Variants in CD96 observed in about 807,000 individuals in gnomAD.
CD96 encodes CD96 molecule.
A neutral mutation model predicts 71.3 loss-of-function variants in CD96; 70 were observed. The ratio of observed to expected loss-of-function variants is 0.98; its 90% CI spans 0.81 to 1.20. The LOEUF is 1.20. Among genes scored for constraint, CD96 ranks in the 50% most tolerant of loss-of-function variants. CD96 has a pLI of 0.00. For synonymous variants in CD96, 248 were observed against 233.0 expected (o/e 1.06, Z -0.59); for missense variants, 742 against 677.5 (o/e 1.10, Z -1.06).
chr3:111,598,685 AG>A (rs1023610271), intron 6 of CD96, among the ~76,000 whole-genome samples: 1 of 152,208 alleles, frequency 6.6e-6, no homozygotes, highest in African/African-American at 2.4e-5. Context: ...GGAGCACTAG[AG>A]AAAGCCTATG....
intron 5 of CD96, among the ~76,000 whole-genome samples, chr3:111,590,821 A>G (rs1390870561): frequency 1.3e-5 from 2 of 152,244 alleles, no homozygotes; most frequent in Non-Finnish European, 2.9e-5. Flanking sequence ...AGGGATGCAT[A>G]AAAGCTCCAG....
At chr3:111,649,468 T>C (rs1202332536) in intron 13 of CD96, among the ~76,000 whole-genome samples, 1 of 152,210 alleles carries the variant, frequency 6.6e-6, no homozygotes, top group Non-Finnish European at 1.5e-5. Flanking sequence ...AAGTAAATAA[T>C]GTTATGATAA....
chr3:111,643,070 T>TAAAAAAAAA (rs201908883), intron 12 of CD96, among the ~76,000 whole-genome samples: 1 of 94,354 alleles, frequency 1.1e-5, no homozygotes. Context: ...CCAAAATCCT[T>TAAAAAAAAA]AAAAAAAAAA....
intron 2 of CD96, among the ~76,000 whole-genome samples, chr3:111,562,225 G>T (rs1002108316): frequency 6.6e-6 from 1 of 152,138 alleles, no homozygotes; most frequent in Non-Finnish European, 1.5e-5. Flanking sequence ...GGCCATCTTG[G>T]CTCCTCCCCG....
At chr3:111,657,784 A>ATG (rs1940268979) in intron 14 of CD96, among the ~76,000 whole-genome samples, 1 of 151,582 alleles carries the variant, frequency 6.6e-6, no homozygotes, top group South Asian at 2.1e-4. Context: ...ATGTGTGTGT[A>ATG]TATGTGTGTG....
chr3:111,543,698 GCAGCTGTGAGCTTAT>G (rs1934230409), intron 1 of CD96, among the ~76,000 whole-genome samples: 1 of 152,142 alleles, frequency 6.6e-6, no homozygotes, highest in Non-Finnish European at 1.5e-5. Flanking sequence ...CTAACAAGTT[GCAGCTGTGAGCTTAT>G]CTCAACCTTC....
intron 3 of CD96, among the ~76,000 whole-genome samples, chr3:111,572,567 A>G (rs1936034124): frequency 6.6e-6 from 1 of 152,246 alleles, no homozygotes; most frequent in Admixed American, 6.5e-5. Flanking sequence ...ACAAACATAT[A>G]TAATCTCTTT....
chr3:111,547,187 T>A (rs2107466690), intron 2 of CD96, among the ~76,000 whole-genome samples: 1 of 152,282 alleles, frequency 6.6e-6, no homozygotes, highest in South Asian at 2.1e-4. Context: ...AATGAGATAA[T>A]CTGTGTAATG....
intron 5 of CD96, chr3:111,593,176 T>A: frequency 1.2e-5 from 2 of 172,662 alleles, no homozygotes; most frequent in Admixed American, 5.7e-5. Context: ...CTAACCAGCC[T>A]CAGCCCTCAA....
intron 3 of CD96, among the ~76,000 whole-genome samples, chr3:111,572,369 T>C (rs1024467467): frequency 7.2e-5 from 11 of 152,260 alleles, no homozygotes; most frequent in Non-Finnish European, 1.3e-4. Flanking sequence ...CAAATTCTTT[T>C]GTGTGGTAAA....
intron 4 of CD96, among the ~76,000 whole-genome samples, chr3:111,581,268 G>T (rs1036861798): frequency 5.3e-5 from 8 of 152,258 alleles, no homozygotes; most frequent in Admixed American, 4.6e-4. Context: ...TGGGCGGGTT[G>T]TGTTTGGGTG....
At chr3:111,601,985 A>ATGAACACATCATCCTGTGTACTG (rs1937512265) in intron 7 of CD96, among the ~76,000 whole-genome samples, 1 of 152,208 alleles carries the variant, frequency 6.6e-6, no homozygotes, top group Non-Finnish European at 1.5e-5. Context: ...ATGTATATGT[A>ATGAACACATCATCCTGTGTACTG]TGAACACATC....
chr3:111,587,815 G>A (rs1369588198), intron 5 of CD96, among the ~76,000 whole-genome samples: 1 of 152,204 alleles, frequency 6.6e-6, no homozygotes, highest in African/African-American at 2.4e-5. Context: ...CTCTGAAGCA[G>A]CAGCCCAAGC....
chr3:111,567,086 T>C (rs1375081951), intron 2 of CD96, among the ~76,000 whole-genome samples: 1 of 152,108 alleles, frequency 6.6e-6, no homozygotes, highest in Non-Finnish European at 1.5e-5. Context: ...AGGTAGTAGA[T>C]ATACTGGGAA....
intron 14 of CD96, among the ~76,000 whole-genome samples, chr3:111,658,295 A>G (rs1241738028): frequency 6.6e-6 from 1 of 152,168 alleles, no homozygotes; most frequent in East Asian, 1.9e-4. Flanking sequence ...AAAAGCAGGA[A>G]TTCATGAGTC....
intron 10 of CD96, among the ~76,000 whole-genome samples, chr3:111,630,482 C>T (rs112967086): frequency 2.6e-4 from 39 of 152,214 alleles, no homozygotes; most frequent in African/African-American, 8.9e-4. Context: ...CCTGAATAGA[C>T]CAATAACAAG....
At position 111,579,259 on chromosome 3, in the gene CD96, C is replaced by T. The variant is rs777027620; in HGVS notation, c.751+25C>T. ...GGTAAGGGCTTTTGTTCTACAGACT[C>T]ACTGGCATCCTCCTGTCTCCTGCCC... On this transcript the variant is annotated intron_variant, in intron 4 of 13. Coordinates refer to ENST00000352690, the MANE Select transcript of CD96 (RefSeq NM_005816.5). 3.3e-6 allele frequency: 4 copies of T among 1,214,300 alleles called. No homozygotes were observed. In the South Asian group the frequency reaches 3.6e-5, roughly 11 times the overall value. The allele number at this position is 1,214,300 out of a possible 1,614,324, so 75.2% of individuals were successfully genotyped here.
chr3:111,542,518 A>C (rs975257004), intron 1 of CD96, among the ~76,000 whole-genome samples: 2 of 152,228 alleles, frequency 1.3e-5, no homozygotes, highest in African/African-American at 4.8e-5. Flanking sequence ...AAAAATAAGA[A>C]GGGAATGGGT....
At chr3:111,558,921 C>G (rs1935227428) in intron 2 of CD96, among the ~76,000 whole-genome samples, 1 of 152,188 alleles carries the variant, frequency 6.6e-6, no homozygotes, top group East Asian at 1.9e-4. Flanking sequence ...CAACTTCTTC[C>G]TGGTTTAGTC....
Sources: allele counts gnomAD v4.1 joint callset (sites outside exome capture counted in the v4.1 genomes callset), GRCh38; gene constraint gnomAD v4.1.1; transcripts MANE v1.5; gene names NCBI Gene and HGNC (gene_info 2026-07-23, HGNC 2026-07-21).